The following MGAT4C variants were observed in gnomAD, a reference collection of about 807,000 sequenced individuals.
MGAT4C encodes alpha-1,3-mannosyl-glycoprotein 4-beta-N-acetylglucosaminyltransferase C.
MGAT4C carries 19 observed loss-of-function variants against 40.1 expected under a neutral mutation model. The observed-to-expected ratio is 0.47, with a 90% confidence interval of 0.33 to 0.70. The LOEUF (loss-of-function observed/expected upper bound fraction) is 0.70, where lower values mean the gene tolerates loss of function less well. Among genes scored for constraint, MGAT4C ranks in the 30% least tolerant of loss-of-function variants. The pLI is 0.02. For synonymous variants in MGAT4C, 181 were observed against 187.1 expected (o/e 0.97, Z 0.27); for missense variants, 491 against 563.2 (o/e 0.87, Z 1.30).
At chr12:86,832,796 T>G (rs1192415939) in intron 1 of MGAT4C, among the ~76,000 whole-genome samples, 1 of 151,850 alleles carries the variant, frequency 6.6e-6, no homozygotes, top group Non-Finnish European at 1.5e-5. Context: ...TGCTTCATCT[T>G]TCTTGATTTC....
chr12:86,350,263 C>T (rs996384836), intron 3 of MGAT4C, among the ~76,000 whole-genome samples: 2 of 152,026 alleles, frequency 1.3e-5, no homozygotes, highest in Admixed American at 6.6e-5. Context: ...CTCTTGCTGC[C>T]TGGTATAGCA....
chr12:86,289,063 T>C (rs1263649013), intron 4 of MGAT4C, among the ~76,000 whole-genome samples: 1 of 152,164 alleles, frequency 6.6e-6, no homozygotes, highest in Non-Finnish European at 1.5e-5. Flanking sequence ...TTGAAATCAT[T>C]AATCCATCTT....
At chr12:86,173,167 A>T (rs1382400507) in intron 1 of MGAT4C, among the ~76,000 whole-genome samples, 1 of 152,162 alleles carries the variant, frequency 6.6e-6, no homozygotes, top group Non-Finnish European at 1.5e-5. Context: ...TGGGATTCAT[A>T]TATTTCTTAG....
chr12:86,244,640 G>A (rs1951942812), intron 1 of MGAT4C, among the ~76,000 whole-genome samples: 1 of 152,122 alleles, frequency 6.6e-6, no homozygotes, highest in African/African-American at 2.4e-5. Context: ...AGGCTAATGG[G>A]GGACACAGAG....
At chr12:86,817,038 A>G (rs1357002889) in intron 1 of MGAT4C, among the ~76,000 whole-genome samples, 2 of 149,990 alleles carry the variant, frequency 1.3e-5, no homozygotes, top group African/African-American at 4.9e-5. Flanking sequence ...TCTTTCTTTC[A>G]GTATATTCAG....
chr12:86,782,692 T>C (rs545041121), intron 1 of MGAT4C, among the ~76,000 whole-genome samples: 2 of 152,202 alleles, frequency 1.3e-5, no homozygotes, highest in Admixed American at 1.3e-4. Flanking sequence ...GAGATAATTA[T>C]GGTTAATGAG....
intron 1 of MGAT4C, among the ~76,000 whole-genome samples, chr12:86,787,741 TG>T (rs1951956990): frequency 6.6e-6 from 1 of 152,162 alleles, no homozygotes; most frequent in African/African-American, 2.4e-5. Context: ...TATAGTAGAA[TG>T]ATGTACTTTG....
At chr12:86,436,953 G>A (rs1264153636) in intron 2 of MGAT4C, among the ~76,000 whole-genome samples, 1 of 151,652 alleles carries the variant, frequency 6.6e-6, no homozygotes, top group Non-Finnish European at 1.5e-5. Flanking sequence ...TTTTTGTTAA[G>A]TTCTGAGGTT....
intron 3 of MGAT4C, among the ~76,000 whole-genome samples, chr12:86,375,463 C>T (rs756976986): frequency 6.6e-6 from 1 of 151,920 alleles, no homozygotes; most frequent in Non-Finnish European, 1.5e-5. Context: ...TCTTAATCAT[C>T]TAAGGTTTAT....
rs192766280 is a variant in MGAT4C at position 86,382,178 on chromosome 12, T to C, written c.-119-48051A>G. On this transcript the variant is annotated intron_variant, in intron 3 of 7. Transcript: ENST00000548651. ...TGAATGGCATTGACCAAAATGCTGA[T>C]AAAGATACAGACAATGAAATCCAGG... Among the ~76,000 whole-genome samples the C allele has an allele frequency of 5.3e-3, 805 of 152,340 alleles. 7 individuals are homozygous for C. The highest frequency in any genetic ancestry group is 0.019 in the African/African-American group (772 of 41,580).
At chr12:86,183,340 C>T (rs540919399) in intron 1 of MGAT4C, among the ~76,000 whole-genome samples, 2 of 152,124 alleles carry the variant, frequency 1.3e-5, no homozygotes, top group Non-Finnish European at 2.9e-5. Flanking sequence ...AGGACTGGCT[C>T]TGCTACATAT....
intron 3 of MGAT4C, among the ~76,000 whole-genome samples, chr12:86,390,883 C>G (rs1470664665): frequency 7.2e-5 from 11 of 152,112 alleles, no homozygotes. Flanking sequence ...GAGAAATTTA[C>G]AAGGTGGACC....
chr12:86,761,991 G>T (rs1951415203), intron 1 of MGAT4C, among the ~76,000 whole-genome samples: 1 of 151,934 alleles, frequency 6.6e-6, no homozygotes, highest in African/African-American at 2.4e-5. Flanking sequence ...TGCCACAATG[G>T]GTTAGCTGAG....
At chr12:86,579,005 T>C (rs553415757) in intron 2 of MGAT4C, among the ~76,000 whole-genome samples, 6 of 151,818 alleles carry the variant, frequency 4.0e-5, no homozygotes, top group South Asian at 2.1e-4. Context: ...TTGGTTTTCA[T>C]TGGCATTGAA....
At chr12:86,667,261 TAGG>T (rs1200830015) in intron 2 of MGAT4C, among the ~76,000 whole-genome samples, 4 of 152,130 alleles carry the variant, frequency 2.6e-5, no homozygotes, top group Admixed American at 2.0e-4. Flanking sequence ...AGTCTTGCAG[TAGG>T]AGAAGAGGAT....
intron 2 of MGAT4C, among the ~76,000 whole-genome samples, chr12:86,601,946 T>C (rs1474279436): frequency 6.6e-6 from 1 of 152,180 alleles, no homozygotes; most frequent in Non-Finnish European, 1.5e-5. Flanking sequence ...CTGTGGTTCC[T>C]GGTGTCTCCG....
At chr12:85,983,714 T>C (rs770936448) in intron 3 of MGAT4C, 44 bp from the exon 4 acceptor site, 9 of 1,412,310 alleles carry the variant, frequency 6.4e-6, no homozygotes, top group Middle Eastern at 1.9e-4. Flanking sequence ...AAATAATAGA[T>C]GGTCATGGAT....
chr12:86,772,367 T>C (rs905200194), intron 1 of MGAT4C, among the ~76,000 whole-genome samples: 2 of 152,164 alleles, frequency 1.3e-5, no homozygotes, highest in East Asian at 3.8e-4. Flanking sequence ...AATAAACGGA[T>C]GGAACAAAAT....
At chr12:86,127,235 C>T (rs769933578) in intron 1 of MGAT4C, among the ~76,000 whole-genome samples, 6 of 152,232 alleles carry the variant, frequency 3.9e-5, no homozygotes, top group East Asian at 1.9e-4. Flanking sequence ...CAAACCTGTA[C>T]AGTATGTTAC....
Sources: gnomAD v4.1 joint callset for allele counts (sites outside exome capture counted in the v4.1 genomes callset) on GRCh38, gnomAD v4.1.1 for gene constraint, MANE v1.5 for transcripts, NCBI Gene and HGNC (gene_info 2026-07-23, HGNC 2026-07-21) for gene names.